The following COL24A1 variants were observed in gnomAD, a reference collection of about 807,000 sequenced individuals.
The protein encoded by COL24A1 is collagen type XXIV alpha 1 chain.
A neutral mutation model predicts 253.9 loss-of-function variants in COL24A1; 224 were observed. The observed-to-expected ratio is 0.88, with a 90% confidence interval of 0.79 to 0.99. The LOEUF is 0.99. COL24A1 is among the 50% of genes least tolerant of loss of function. The probability of loss-of-function intolerance (pLI) is 0.00; values close to 1 mark genes in which losing one functional copy is unlikely to be tolerated. For synonymous variants in COL24A1, 685 were observed against 673.7 expected (o/e 1.02, Z -0.26); for missense variants, 2,131 against 2,068.5 (o/e 1.03, Z -0.59).
At chr1:85,875,758 C>T (rs1374524201) in intron 33 of COL24A1, among the ~76,000 whole-genome samples, 11 of 134,608 alleles carry the variant, frequency 8.2e-5, no homozygotes, top group African/African-American at 2.2e-4. Context: ...CACACACACA[C>T]ACACACACAG....
chr1:85,923,476 G>C (rs1686783759), intron 24 of COL24A1, among the ~76,000 whole-genome samples: 1 of 152,128 alleles, frequency 6.6e-6, no homozygotes, highest in Non-Finnish European at 1.5e-5. Context: ...CTCTCTCTCA[G>C]ACCACAGTGC....
intron 19 of COL24A1, among the ~76,000 whole-genome samples, chr1:85,990,813 AC>A (rs1694185186): frequency 6.6e-6 from 1 of 152,204 alleles, no homozygotes; most frequent in African/African-American, 2.4e-5. Flanking sequence ...TGATACAACA[AC>A]AAAAACTGTC....
chr1:85,983,059 C>T (rs540278425), intron 20 of COL24A1, among the ~76,000 whole-genome samples: 43 of 152,060 alleles, frequency 2.8e-4, no homozygotes, highest in Non-Finnish European at 5.3e-4. Flanking sequence ...AGAACTATTT[C>T]CATATATTAC....
intron 24 of COL24A1, among the ~76,000 whole-genome samples, chr1:85,955,095 G>C (rs181834336): frequency 2.0e-5 from 3 of 152,092 alleles, no homozygotes; most frequent in Non-Finnish European, 4.4e-5. Context: ...GCTATAAGCC[G>C]GATACAGACA....
intron 19 of COL24A1, among the ~76,000 whole-genome samples, chr1:86,010,227 AT>A (rs1187303064): frequency 6.6e-6 from 1 of 152,120 alleles, no homozygotes; most frequent in Non-Finnish European, 1.5e-5. Flanking sequence ...GCTATGTAAA[AT>A]TGTAAAGCTG....
At chr1:86,143,976 A>C (rs1651514684) in intron 2 of COL24A1, among the ~76,000 whole-genome samples, 1 of 152,174 alleles carries the variant, frequency 6.6e-6, no homozygotes, top group African/African-American at 2.4e-5. Flanking sequence ...TCTCCTGATT[A>C]GATGTTACAA....
chr1:85,904,005 A>C (rs755497292), intron 28 of COL24A1, among the ~76,000 whole-genome samples: 3 of 152,180 alleles, frequency 2.0e-5, no homozygotes, highest in Non-Finnish European at 4.4e-5. Context: ...CTAGCTTTGA[A>C]TCTAAATGCG....
At chr1:86,093,472 T>C (rs1195495757) in intron 5 of COL24A1, among the ~76,000 whole-genome samples, 1 of 151,922 alleles carries the variant, frequency 6.6e-6, no homozygotes, top group East Asian at 1.9e-4. Flanking sequence ...TTCTCTATTC[T>C]ATTCCATTGG....
At chr1:86,106,802 T>G (rs1705023436) in intron 5 of COL24A1, among the ~76,000 whole-genome samples, 1 of 152,208 alleles carries the variant, frequency 6.6e-6, no homozygotes, top group African/African-American at 2.4e-5. Flanking sequence ...AGTCTCCTGA[T>G]TTCAGCCAAT....
At chr1:86,139,097 T>C (rs894575883) in intron 2 of COL24A1, among the ~76,000 whole-genome samples, 1 of 152,028 alleles carries the variant, frequency 6.6e-6, no homozygotes, top group Non-Finnish European at 1.5e-5. Flanking sequence ...CTTACTTGCC[T>C]TTCATTTGAA....
At chr1:86,076,845 A>C (rs1374141930) in intron 7 of COL24A1, among the ~76,000 whole-genome samples, 1 of 152,242 alleles carries the variant, frequency 6.6e-6, no homozygotes, top group African/African-American at 2.4e-5. Context: ...AATTAACTCA[A>C]GATGGATTAC....
intron 19 of COL24A1, among the ~76,000 whole-genome samples, chr1:86,011,155 TTAATA>T (rs1196104578): frequency 6.6e-6 from 1 of 151,118 alleles, no homozygotes; most frequent in Non-Finnish European, 1.5e-5. Context: ...AATTATACTT[TTAATA>T]TGAGTTTCCT....
At chr1:85,893,478 A>T (rs954096080) in intron 31 of COL24A1, among the ~76,000 whole-genome samples, 2 of 152,090 alleles carry the variant, frequency 1.3e-5, no homozygotes, top group African/African-American at 4.8e-5. Flanking sequence ...TATCTAGATA[A>T]AAAAAACCTC....
intron 43 of COL24A1, among the ~76,000 whole-genome samples, chr1:85,832,083 C>T (rs1269215292): frequency 6.6e-6 from 1 of 151,772 alleles, no homozygotes; most frequent in Non-Finnish European, 1.5e-5. Flanking sequence ...GTCTTTAATC[C>T]ATCTTGAATT....
intron 34 of COL24A1, 28 bp from the exon 35 acceptor site, chr1:85,874,730 T>C: frequency 1.2e-6 from 2 of 1,609,394 alleles, no homozygotes; most frequent in Non-Finnish European, 8.5e-7. Context: ...AAGATTAAAC[T>C]CTTTTCTACT....
At chr1:85,895,352 A>T (rs1179042613) in intron 31 of COL24A1, among the ~76,000 whole-genome samples, 1 of 152,172 alleles carries the variant, frequency 6.6e-6, no homozygotes, top group Non-Finnish European at 1.5e-5. Context: ...CCAAAGGCCT[A>T]AAAGGAATTC....
chr1:86,017,030 C>T (rs928788421), intron 19 of COL24A1, 121 bp downstream of exon 19: 86 of 906,484 alleles, frequency 9.5e-5, no homozygotes, highest in African/African-American at 1.9e-4. Flanking sequence ...AAACTATTTA[C>T]GGAGATCTAA....
At chr1:86,008,291 C>T (rs2101116734) in intron 19 of COL24A1, among the ~76,000 whole-genome samples, 1 of 152,142 alleles carries the variant, frequency 6.6e-6, no homozygotes, top group African/African-American at 2.4e-5. Flanking sequence ...GTGGCCCAGG[C>T]TGGAGTGCAG....
At chr1:85,796,382 C>T (rs1238957035) in intron 47 of COL24A1, among the ~76,000 whole-genome samples, 1 of 152,130 alleles carries the variant, frequency 6.6e-6, no homozygotes, top group Non-Finnish European at 1.5e-5. Context: ...ATGAAATCTC[C>T]TTTACCCAGG....
Sources: gnomAD v4.1 joint callset for allele counts (sites outside exome capture counted in the v4.1 genomes callset) on GRCh38, gnomAD v4.1.1 for gene constraint, MANE v1.5 for transcripts, NCBI Gene and HGNC (gene_info 2026-07-23, HGNC 2026-07-21) for gene names.